The following ETNK1 variants were observed in gnomAD, a reference collection of about 807,000 sequenced individuals.
ETNK1 encodes the protein putative protein product of Nbla10396.
A neutral mutation model predicts 45.1 loss-of-function variants in ETNK1; 8 were observed. That is an observed-to-expected ratio of 0.18 (90% CI 0.10 to 0.32). ETNK1 has a LOEUF of 0.32. ETNK1 is among the 10% of genes least tolerant of loss of function. The pLI is 1.00. For synonymous variants in ETNK1, 152 were observed against 151.9 expected (o/e 1.00, Z -0.01); for missense variants, 302 against 430.6 (o/e 0.70, Z 2.64).
At chr12:22,663,230 A>G (rs1954024237) in intron 4 of ETNK1, among the ~76,000 whole-genome samples, 1 of 152,156 alleles carries the variant, frequency 6.6e-6, no homozygotes, top group African/African-American at 2.4e-5. Flanking sequence ...AGCATTAGTT[A>G]CGCATTAAAG....
intron 6 of ETNK1, among the ~76,000 whole-genome samples, chr12:22,674,096 G>T (rs544797181): frequency 6.6e-6 from 1 of 152,264 alleles, no homozygotes; most frequent in African/African-American, 2.4e-5. Flanking sequence ...TGTTTTTTAT[G>T]ACTTATCCAG....
chr12:22,670,225 A>G (rs1055687734), intron 4 of ETNK1, among the ~76,000 whole-genome samples: 2 of 152,166 alleles, frequency 1.3e-5, no homozygotes, highest in Non-Finnish European at 2.9e-5. Flanking sequence ...CCTAAGCCTG[A>G]TGATTAAAAG....
rs561579185 is a variant in ETNK1 at position 22,643,141 on chromosome 12, A to C, written c.157-622A>C. On this transcript the variant is annotated intron_variant, in intron 1 of 7. Coordinates refer to ENST00000266517, the MANE Select transcript of ETNK1 (RefSeq NM_018638.5). ...AAAACTGTTATACTCTGAGTGTATA[A>C]CACAATGTTTAATGCATGTTTTGTT... is the stretch of plus-strand genomic sequence containing the variant. 3.9e-5 allele frequency among the ~76,000 whole-genome samples: 6 copies of C among 152,144 alleles called. 1 individual carries two copies. Among genetic ancestry groups the C allele is most frequent in the African/African-American group, 1.4e-4 (6 of 41,534 alleles).
chr12:22,665,056 A>G (rs1315079796), intron 4 of ETNK1, among the ~76,000 whole-genome samples: 1 of 152,150 alleles, frequency 6.6e-6, no homozygotes, highest in Non-Finnish European at 1.5e-5. Flanking sequence ...TAACTCTTAA[A>G]AGCAGATATA....
chr12:22,640,885 C>T (rs1269886833), intron 1 of ETNK1, among the ~76,000 whole-genome samples: 1 of 152,080 alleles, frequency 6.6e-6, no homozygotes, highest in Non-Finnish European at 1.5e-5. Flanking sequence ...AAAAGGAGCT[C>T]ACTAAGATTT....
At chr12:22,631,453 G>A (rs924147351) in intron 1 of ETNK1, among the ~76,000 whole-genome samples, 10 of 152,156 alleles carry the variant, frequency 6.6e-5, no homozygotes, top group African/African-American at 2.4e-4. Flanking sequence ...GGGATTACAG[G>A]TGTGAGCCAC....
intron 1 of ETNK1, among the ~76,000 whole-genome samples, chr12:22,639,171 T>C (rs1410174312): frequency 6.6e-6 from 1 of 151,868 alleles, no homozygotes; most frequent in Non-Finnish European, 1.5e-5. Context: ...TCTGGATTTG[T>C]ATATTTTTTG....
At chr12:22,626,831 T>C (rs1953506981) in intron 1 of ETNK1, among the ~76,000 whole-genome samples, 1 of 152,232 alleles carries the variant, frequency 6.6e-6, no homozygotes. Context: ...AAAGTGATTT[T>C]TATGTCATTT....
rs569589041 is a variant in ETNK1 at position 22,645,189 on chromosome 12, G to A, written c.416+1167G>A. Among the ~76,000 whole-genome samples the A allele has an allele frequency of 2.6e-5, 4 of 151,804 alleles. No individual in the cohort carries two copies. In the East Asian group the frequency reaches 7.7e-4, roughly 29 times the overall value. On this transcript the variant is annotated intron_variant, in intron 2 of 7. Coordinates refer to ENST00000266517, the MANE Select transcript of ETNK1 (RefSeq NM_018638.5). ...ATAAATCCTCAATCTTGTTCACAAT[G>A]GTTGACAAATACCTATATAACAGCA...
chr12:22,676,061 C>T (rs1954158500), intron 6 of ETNK1, among the ~76,000 whole-genome samples: 1 of 152,020 alleles, frequency 6.6e-6, no homozygotes, highest in Non-Finnish European at 1.5e-5. Context: ...GCAGAACCTG[C>T]AGGTTTGTTA....
intron 2 of ETNK1, among the ~76,000 whole-genome samples, chr12:22,655,256 C>T (rs1338056583): frequency 2.0e-5 from 3 of 152,000 alleles, no homozygotes; most frequent in Non-Finnish European, 4.4e-5. Flanking sequence ...GCGTGAGCCA[C>T]TGCGCCCGGC....
At chr12:22,637,138 A>G (rs1235741065) in intron 1 of ETNK1, among the ~76,000 whole-genome samples, 1 of 152,188 alleles carries the variant, frequency 6.6e-6, no homozygotes, top group Non-Finnish European at 1.5e-5. Context: ...CAATTAATGA[A>G]GTCCACACAA....
At position 22,689,631 on chromosome 12, in the gene ETNK1, G is replaced by A. The variant is rs1218773707; in HGVS notation, c.*4677G>A. 6.6e-6 allele frequency: 1 copy of A among 152,010 alleles called. No individual in the cohort carries two copies. The highest frequency in any genetic ancestry group is 1.9e-4 in the East Asian group (1 of 5,200). 9.4% of individuals were successfully genotyped at this position (152,010 alleles called of 1,614,324 possible). On this transcript the variant is annotated 3_prime_UTR_variant, in exon 8 of 8. Coordinates refer to ENST00000266517, the MANE Select transcript of ETNK1 (RefSeq NM_018638.5). ...CAACAGAATTGTAGGTGATGCATTA[G>A]TTAAATTTCAAAACTCATAATAAAG...
rs1954263773 is a variant in ETNK1 at position 22,686,829 on chromosome 12, TAAAG to T, written c.*1878_*1881del. The stretch of plus-strand genomic sequence containing the variant: ...GGTTAGAACATTTTCATAAAACAGA[TAAAG>T]AATGTGTAATACTCTTAATTTTTTT... On this transcript the variant is annotated 3_prime_UTR_variant, in exon 8 of 8. Transcript: ENST00000266517. 1 of 140,344 alleles carries T rather than the reference TAAAG, an allele frequency of 7.1e-6. No homozygotes were observed. The highest frequency in any genetic ancestry group is 2.3e-4 in the South Asian group (1 of 4,428). 8.7% of individuals were successfully genotyped at this position (140,344 alleles called of 1,614,324 possible).
chr12:22,646,663 T>C (rs16925217), intron 2 of ETNK1, among the ~76,000 whole-genome samples: 7,181 of 151,908 alleles, frequency 0.047, 558 homozygotes, highest in African/African-American at 0.16. Context: ...TCAGTAAATG[T>C]TGATGAGCGC....
chr12:22,639,032 T>G (rs964279197), intron 1 of ETNK1: 7 of 152,190 alleles, frequency 4.6e-5, no homozygotes, highest in Non-Finnish European at 7.3e-5. Context: ...AAAAGTATTT[T>G]TATACGTATT....
At chr12:22,660,921 GA>G in intron 3 of ETNK1, 141 bp from the exon 4 acceptor site, 1 of 646,438 alleles carries the variant, frequency 1.5e-6, no homozygotes, top group Non-Finnish European at 2.5e-6. Flanking sequence ...TCTAACTTTT[GA>G]AATAGAATAA....
chr12:22,629,458 C>A (rs1224130939), intron 1 of ETNK1, among the ~76,000 whole-genome samples: 2 of 152,044 alleles, frequency 1.3e-5, no homozygotes, highest in East Asian at 3.8e-4. Context: ...TCATATCCTT[C>A]CTCTTTCTAA....
Position 22,625,239 on chromosome 12 carries a change from G to C in ETNK1, c.-192G>C. On this transcript the variant is annotated 5_prime_UTR_variant, in exon 1 of 8. Transcript: ENST00000266517. ...AGAGCGGGCCGGGCTCAGTTCAGCT[G>C]CTGTCCAGACCCGGATCGGCAACAG... 7 of 1,612,030 alleles carry C rather than the reference G, an allele frequency of 4.3e-6. No individual in the cohort carries two copies. Among genetic ancestry groups the C allele is most frequent in the Non-Finnish European group, 5.9e-6 (7 of 1,179,568 alleles).
Sources: gnomAD v4.1 joint callset for allele counts (sites outside exome capture counted in the v4.1 genomes callset) on GRCh38, gnomAD v4.1.1 for gene constraint, MANE v1.5 for transcripts, NCBI Gene and HGNC (gene_info 2026-07-23, HGNC 2026-07-21) for gene names.